DPP6: variants seen among roughly 807,000 people sequenced by gnomAD.
The protein encoded by DPP6 is A-type potassium channel modulatory protein DPP6.
Under a neutral mutation model 122.6 loss-of-function variants are expected in DPP6, and 69 were observed. The observed-to-expected ratio is 0.56, with a 90% confidence interval of 0.46 to 0.69. DPP6 has a LOEUF of 0.69. DPP6 is among the 30% of genes least tolerant of loss of function. The pLI is 0.00. For synonymous variants in DPP6, 418 were observed against 433.1 expected, an observed-to-expected ratio of 0.97 and a Z score of 0.43; for missense variants, 928 against 1,116.9, an observed-to-expected ratio of 0.83 and a Z score of 2.41.
intron 1 of DPP6, among the ~76,000 whole-genome samples, chr7:154,365,890 G>C (rs905406272): frequency 6.6e-6 from 1 of 150,438 alleles, no homozygotes; most frequent in Non-Finnish European, 1.5e-5. Context: ...CCTGGGAGGC[G>C]GAGCTTGCAG....
chr7:154,220,756 A>G (rs1440553929), intron 1 of DPP6, among the ~76,000 whole-genome samples: 1 of 152,150 alleles, frequency 6.6e-6, no homozygotes, highest in Non-Finnish European at 1.5e-5. Context: ...TTATAGCAGC[A>G]TGAATGGACT....
At chr7:154,501,537 G>T (rs1380242279) in intron 3 of DPP6, among the ~76,000 whole-genome samples, 1 of 152,206 alleles carries the variant, frequency 6.6e-6, no homozygotes, top group Non-Finnish European at 1.5e-5. Flanking sequence ...TAGAGTTTGG[G>T]CTGTAGCTTC....
chr7:154,680,646 C>T (rs7786686), intron 7 of DPP6, among the ~76,000 whole-genome samples: 1 of 151,632 alleles, frequency 6.6e-6, no homozygotes, highest in African/African-American at 2.4e-5. Context: ...CTTTTTTCCC[C>T]CTTCTAAAAC....
At chr7:153,813,748 G>GT in the DPP6 span, among the ~76,000 whole-genome samples, 1 of 151,474 alleles carries the variant, frequency 6.6e-6, no homozygotes, top group Non-Finnish European at 1.5e-5. Context: ...TCTCATTGTG[G>GT]TTTTGATTTG....
At chr7:154,533,744 T>C (rs1315443933) in intron 3 of DPP6, among the ~76,000 whole-genome samples, 2 of 152,146 alleles carry the variant, frequency 1.3e-5, no homozygotes, top group Non-Finnish European at 2.9e-5. Context: ...ACACCTCTAA[T>C]TCCAGCACTT....
chr7:154,783,247 C>G (rs939475727), intron 10 of DPP6, among the ~76,000 whole-genome samples: 6 of 152,172 alleles, frequency 3.9e-5, no homozygotes, highest in African/African-American at 1.4e-4. Flanking sequence ...TCTGGGTGGC[C>G]TGACCTCCCT....
chr7:154,707,089 T>G (rs1211127408), intron 7 of DPP6, among the ~76,000 whole-genome samples: 1 of 152,206 alleles, frequency 6.6e-6, no homozygotes, highest in Non-Finnish European at 1.5e-5. Flanking sequence ...TGTAATACAT[T>G]ATACTGGTTT....
intron 1 of DPP6, chr7:154,305,641 AGGGAGGATATGT>A: frequency 1.3e-6 from 2 of 1,500,462 alleles, no homozygotes; most frequent in Non-Finnish European, 1.8e-6. Context: ...AGAGACAGAG[AGGGAGGATATGT>A]ATTTGGGGAA....
At chr7:154,568,473 G>A (rs776166684) in intron 5 of DPP6, among the ~76,000 whole-genome samples, 2 of 152,214 alleles carry the variant, frequency 1.3e-5, no homozygotes, top group Non-Finnish European at 2.9e-5. Context: ...AACAAAGTGA[G>A]GTATTGTTCT....
intron 1 of DPP6, among the ~76,000 whole-genome samples, chr7:153,896,959 A>G (rs1799439807): frequency 6.6e-6 from 1 of 152,088 alleles, no homozygotes. Flanking sequence ...CTGTTTTGTT[A>G]TTTTTCTTCC....
intron 8 of DPP6, among the ~76,000 whole-genome samples, chr7:154,746,633 A>C (rs1407710011): frequency 6.6e-6 from 1 of 152,240 alleles, no homozygotes; most frequent in African/African-American, 2.4e-5. Context: ...CCCAAAAAGC[A>C]TTAGGAGAAA....
At chr7:154,545,760 C>T (rs1829133642) in intron 4 of DPP6, among the ~76,000 whole-genome samples, 1 of 152,102 alleles carries the variant, frequency 6.6e-6, no homozygotes, top group Non-Finnish European at 1.5e-5. Flanking sequence ...GGTGAGGAAA[C>T]TAAGAATTTC....
rs181675432 is a variant in DPP6 at position 154,821,217 on chromosome 7, T to C, written c.1666+14105T>C. Reference sequence around the variant, plus strand: ...GCTAGAGAGCTTAGCATGAAATGTGTGGCATATGTGGGTAGGTCTTTATAG... The same window carrying C: ...GCTAGAGAGCTTAGCATGAAATGTGCGGCATATGTGGGTAGGTCTTTATAG... On this transcript the variant is annotated intron_variant, in intron 16 of 25. Coordinates refer to ENST00000377770, the MANE Select transcript of DPP6 (RefSeq NM_130797.4). This position sits in a 1 kb window ranked among gnomAD's most constrained non-coding sequence, Gnocchi z 4.2. 6.6e-6 allele frequency among the ~76,000 whole-genome samples: 1 copy of C among 152,358 alleles called. No individual in the cohort carries two copies. The highest frequency in any genetic ancestry group is 1.5e-5 in the Non-Finnish European group (1 of 68,026).
intron 1 of DPP6, among the ~76,000 whole-genome samples, chr7:153,972,820 T>C (rs1310215801): frequency 6.6e-6 from 1 of 152,042 alleles, no homozygotes; most frequent in Non-Finnish European, 1.5e-5. Context: ...AGTATTGTAT[T>C]AGTATTGCCA....
intron 10 of DPP6, among the ~76,000 whole-genome samples, chr7:154,775,773 C>G (rs1796522250): frequency 6.6e-6 from 1 of 152,178 alleles, no homozygotes; most frequent in Admixed American, 6.5e-5. Context: ...TCCCACCTGC[C>G]TCTTTACCAC....
At chr7:153,938,417 G>A (rs1466627490) in intron 1 of DPP6, among the ~76,000 whole-genome samples, 1 of 152,288 alleles carries the variant, frequency 6.6e-6, no homozygotes, top group East Asian at 1.9e-4. Flanking sequence ...TGAGTTTCCA[G>A]GGTAGAGACC....
chr7:154,805,224 C>T (rs565539731), intron 15 of DPP6, among the ~76,000 whole-genome samples: 3 of 152,298 alleles, frequency 2.0e-5, no homozygotes, highest in Admixed American at 6.5e-5. Flanking sequence ...CTTTGGCTAA[C>T]GGATGGACTT....
chr7:153,776,823 A>G, the DPP6 span, among the ~76,000 whole-genome samples: 18 of 152,352 alleles, frequency 1.2e-4, no homozygotes, highest in East Asian at 3.5e-3. Context: ...TTTCTTTAAA[A>G]AATTGGGAAA....
chr7:154,194,920 T>G (rs1188254071), intron 1 of DPP6, among the ~76,000 whole-genome samples: 1 of 152,234 alleles, frequency 6.6e-6, no homozygotes, highest in Admixed American at 6.5e-5. Flanking sequence ...GGCAAATATT[T>G]TCTCTCACTC....
Sources: allele counts gnomAD v4.1 joint callset (sites outside exome capture counted in the v4.1 genomes callset), GRCh38; gene constraint gnomAD v4.1.1; non-coding constraint Gnocchi (gnomAD v3.1); transcripts MANE v1.5; gene names NCBI Gene and HGNC (gene_info 2026-07-23, HGNC 2026-07-21).